Variants in SYNE1 observed in about 807,000 individuals in gnomAD.
SYNE1 encodes the protein nesprin-1.
A neutral mutation model predicts 1,111.0 loss-of-function variants in SYNE1; 616 were observed. The observed-to-expected ratio is 0.55, with a 90% confidence interval of 0.52 to 0.59. The LOEUF is 0.59. Among genes scored for constraint, SYNE1 ranks in the 20% least tolerant of loss-of-function variants. SYNE1 has a pLI of 0.00. For missense variants in SYNE1, 10,006 were observed against 10,417.0 expected, an observed-to-expected ratio of 0.96 and a Z score of 1.72; for synonymous variants, 3,855 against 3,825.8, an observed-to-expected ratio of 1.01 and a Z score of -0.28.
chr6:152,221,934 G>C (rs753207661), intron 117 of SYNE1, among the ~76,000 whole-genome samples: 1 of 152,112 alleles, frequency 6.6e-6, no homozygotes, highest in Admixed American at 6.6e-5. Flanking sequence ...TCACCTCCTT[G>C]TACTTTCTTG....
At chr6:152,499,560 A>C (rs565284763) in intron 10 of SYNE1, among the ~76,000 whole-genome samples, 1 of 152,308 alleles carries the variant, frequency 6.6e-6, no homozygotes, top group African/African-American at 2.4e-5. Context: ...CTGAGTGACA[A>C]ATACTGAGTA....
chr6:152,367,148 G>C, intron 62 of SYNE1, 70 bp downstream of exon 62: 1 of 1,580,444 alleles, frequency 6.3e-7, no homozygotes, highest in Non-Finnish European at 8.7e-7. Flanking sequence ...ACCCCAGGTG[G>C]ATGGAGACGG....
At chr6:152,304,444 C>G (rs2095310650) in intron 91 of SYNE1, among the ~76,000 whole-genome samples, 1 of 152,200 alleles carries the variant, frequency 6.6e-6, no homozygotes, top group African/African-American at 2.4e-5. Flanking sequence ...AAGCCATTCT[C>G]TTGCCTCAGC....
chr6:152,165,497 T>C (rs2063467671), intron 130 of SYNE1, among the ~76,000 whole-genome samples: 1 of 152,186 alleles, frequency 6.6e-6, no homozygotes, highest in Non-Finnish European at 1.5e-5. Flanking sequence ...TTAATAATTC[T>C]TCTATTTGAA....
chr6:152,168,240 C>T (rs543478753), intron 130 of SYNE1: 45 of 724,250 alleles, frequency 6.2e-5, no homozygotes, highest in Non-Finnish European at 8.8e-5. Flanking sequence ...CTCTGCAGAG[C>T]AAAAAGCTAT....
intron 124 of SYNE1, among the ~76,000 whole-genome samples, chr6:152,208,550 G>T (rs951630965): frequency 1.3e-5 from 2 of 152,196 alleles, no homozygotes; most frequent in Non-Finnish European, 2.9e-5. Flanking sequence ...ATCCTAAGCA[G>T]CTCCATAGCA....
intron 122 of SYNE1, among the ~76,000 whole-genome samples, chr6:152,214,389 T>G (rs73780850): frequency 1.2e-4 from 19 of 152,292 alleles, no homozygotes; most frequent in African/African-American, 4.6e-4. Context: ...TTAGTTCAAA[T>G]TTTGTCAGTG....
At chr6:152,266,424 T>A (rs555667758) in intron 100 of SYNE1, among the ~76,000 whole-genome samples, 71 of 152,180 alleles carry the variant, frequency 4.7e-4, no homozygotes, top group Non-Finnish European at 8.4e-4. Context: ...TTAGAGGACC[T>A]GGAATGTAAC....
At chr6:152,342,709 C>T (rs1388244039) in intron 74 of SYNE1, among the ~76,000 whole-genome samples, 2 of 152,108 alleles carry the variant, frequency 1.3e-5, no homozygotes, top group African/African-American at 4.8e-5. Flanking sequence ...TATTTTCCCA[C>T]GGAGTCAACA....
rs148080689 is a variant in SYNE1, at chr6:152,359,067, T to G, written c.10443+248A>C. Among the ~76,000 whole-genome samples, 177 of 152,366 alleles carry G rather than the reference T, an allele frequency of 1.2e-3. 1 individual carries two copies. In the East Asian group the frequency reaches 0.024, roughly 21 times the overall value. On this transcript the variant is annotated intron_variant, in intron 65 of 145. Coordinates refer to ENST00000367255, the MANE Select transcript of SYNE1 (RefSeq NM_182961.4). ...TCTTCAATTGAAGGTGTCCAGAATT[T>G]TTTTTAAGTTGGTACCTTTCTAGGA...
chr6:152,379,170 T>C (rs1014238263), intron 56 of SYNE1, among the ~76,000 whole-genome samples: 7 of 152,226 alleles, frequency 4.6e-5, no homozygotes, highest in African/African-American at 1.7e-4. Flanking sequence ...ACCAAAACGT[T>C]ACATTTAAAA....
chr6:152,178,592 G>T (rs2067070177), intron 129 of SYNE1, among the ~76,000 whole-genome samples: 1 of 152,138 alleles, frequency 6.6e-6, no homozygotes, highest in African/African-American at 2.4e-5. Flanking sequence ...TGTGCATATG[G>T]ATAGAAATAA....
Position 152,600,898 on chromosome 6 carries a change from GA to G in SYNE1, c.67+27366del, listed in dbSNP as rs200092242. Among the ~76,000 whole-genome samples the G allele has an allele frequency of 9.5e-4, 145 of 152,288 alleles. 2 individuals are homozygous for G. In the East Asian group the frequency reaches 0.019, roughly 20 times the overall value. On this transcript the variant is annotated intron_variant, in intron 3 of 145. Transcript: ENST00000367255. ...ACTTAAATGAAACTACGGTAAAAAT[GA>G]TATTTTAGTAAAGAACTAAATGTCC...
intron 11 of SYNE1, among the ~76,000 whole-genome samples, chr6:152,496,989 G>GA (rs1186766131): frequency 6.6e-6 from 1 of 151,786 alleles, no homozygotes; most frequent in African/African-American, 2.4e-5. Context: ...GTCTGCAAGA[G>GA]AAAAAACCCC....
At position 152,330,736 on chromosome 6, in the gene SYNE1, C is replaced by T. The variant is rs763557674; in HGVS notation, c.13949G>A (p.Arg4650Gln). ...YLSEKLNALP[R>Q]QFNVIVALAK... is the part of the protein sequence containing the mutation. ...CAAGGCAACAATTACATTAAATTGT[C>T]GAGGCAAAGCATTTAGCTTTTCACT... Residue 4650 changes from arginine (R) to glutamine (Q), a missense_variant, in exon 78 of 146, where the codon CGA (arginine) becomes CAA (glutamine). By Grantham distance (43) the Arg-to-Gln change is conservative (BLOSUM62 1). Transcript: ENST00000367255. The T allele has an allele frequency of 2.5e-5, 41 of 1,613,794 alleles. No homozygotes were observed. The Admixed American group carries it at 4.2e-4, about 16-fold the overall frequency.
intron 49 of SYNE1, 132 bp from the exon 50 acceptor site, chr6:152,397,112 A>G (rs2097744996): frequency 2.3e-6 from 2 of 876,522 alleles, no homozygotes; most frequent in African/African-American, 3.3e-5. Flanking sequence ...AAAATGATGC[A>G]TACAATTGGG....
chr6:152,493,046 C>A (rs774784669), intron 11 of SYNE1, among the ~76,000 whole-genome samples: 6 of 152,044 alleles, frequency 3.9e-5, no homozygotes, highest in Non-Finnish European at 8.8e-5. Context: ...CTACCCTTTC[C>A]CCTGTTCAAA....
intron 18 of SYNE1, 28 bp from the exon 19 acceptor site, chr6:152,463,545 T>A: frequency 6.4e-7 from 1 of 1,568,120 alleles, no homozygotes; most frequent in Non-Finnish European, 8.8e-7. Context: ...CACAATATCA[T>A]AAACCATAAA....
intron 87 of SYNE1, among the ~76,000 whole-genome samples, chr6:152,313,438 A>G (rs1026768447): frequency 2.0e-5 from 3 of 151,660 alleles, no homozygotes; most frequent in African/African-American, 7.3e-5. Context: ...CTCTGACATT[A>G]GAAAAAACAC....
Sources: allele counts gnomAD v4.1 joint callset (sites outside exome capture counted in the v4.1 genomes callset), GRCh38; gene constraint gnomAD v4.1.1; transcripts MANE v1.5; gene names NCBI Gene and HGNC (gene_info 2026-07-23, HGNC 2026-07-21).